Variants in ZGRF1 observed in about 807,000 individuals in gnomAD.
ZGRF1 encodes 5'-3' DNA helicase ZGRF1.
A neutral mutation model predicts 203.5 loss-of-function variants in ZGRF1; 196 were observed. The observed-to-expected ratio is 0.96, with a 90% CI of 0.86 to 1.08. ZGRF1 has a LOEUF of 1.08. Ranked by LOEUF, ZGRF1 falls within the 50% of genes least tolerant of loss-of-function variation. The probability of loss-of-function intolerance (pLI) is 0.00; values close to 1 mark genes in which losing one functional copy is unlikely to be tolerated. For missense variants in ZGRF1, 2,326 were observed against 2,416.3 expected (o/e 0.96, Z 0.78); for synonymous variants, 809 against 841.3 (o/e 0.96, Z 0.66).
intron 8 of ZGRF1, among the ~76,000 whole-genome samples, 174 bp from the exon 9 acceptor site, chr4:112,606,265 G>A (rs1750761913): frequency 6.6e-6 from 1 of 152,106 alleles, no homozygotes; most frequent in African/African-American, 2.4e-5. Flanking sequence ...CTGGCAAAGG[G>A]GTACTTTAGC....
intron 6 of ZGRF1, among the ~76,000 whole-genome samples, chr4:112,613,679 A>C (rs943574373): frequency 1.2e-4 from 19 of 152,238 alleles, no homozygotes; most frequent in African/African-American, 4.6e-4. Flanking sequence ...TAAAAGGCTG[A>C]ATACAAAACA....
At position 112,619,147 on chromosome 4, in the gene ZGRF1, G is replaced by A. The variant is rs768133782; in HGVS notation, c.895C>T (p.Gln299Ter). 3.1e-6 allele frequency: 5 copies of A among 1,613,628 alleles called. No homozygotes were observed. Among genetic ancestry groups the A allele is most frequent in the Admixed American group, 1.7e-5 (1 of 59,990 alleles). Residue 299 changes from glutamine to a stop codon, truncating the protein, a stop_gained, in exon 6 of 28, where the codon CAG (glutamine) becomes TAG (stop). Transcript: ENST00000505019. LOFTEE classifies it high-confidence loss of function. ...IATKPKYLIQ[Q>*]EECAEMKSTE... ...CTCTTCATCTCAGCACACTCTTCCT[G>A]TTGAATTAGGTACTTTGGTTTAGTA...
chr4:112,598,042 T>C (rs1342550117), intron 10 of ZGRF1, among the ~76,000 whole-genome samples: 2 of 152,136 alleles, frequency 1.3e-5, no homozygotes, highest in Admixed American at 6.6e-5. Context: ...CCTTGCTCCC[T>C]TTCTTTGGAG....
intron 16 of ZGRF1, among the ~76,000 whole-genome samples, chr4:112,573,424 A>G (rs1057140992): frequency 2.0e-5 from 3 of 152,118 alleles, no homozygotes; most frequent in Non-Finnish European, 4.4e-5. Flanking sequence ...GGGGCAGTGA[A>G]GGATAAAAAG....
chr4:112,565,258 G>A lies in ZGRF1; in HGVS notation c.4439-1984C>T, dbSNP rs928278600. The A allele has an allele frequency of 2.0e-5, 32 of 1,590,244 alleles. No individual in the cohort carries two copies. The African/African-American group carries it at 3.1e-4, about 15-fold the overall frequency. ...TCTGCACTTCCAGAGCGCAGCTATC[G>A]GTGCTTTGCAGGAGGCAAGTGAGGC... On this transcript the variant is annotated intron_variant, in intron 16 of 27. Transcript: ENST00000505019.
rs754631069 is a variant in ZGRF1 at position 112,584,134 on chromosome 4, C to T, written c.4142G>A (p.Arg1381Gln). 53 of 1,613,030 alleles carry T rather than the reference C, an allele frequency of 3.3e-5. No homozygotes were observed. The highest frequency in any genetic ancestry group is 3.1e-4 in the South Asian group (28 of 91,018). ...CTCAAGCCATTTAAAGAATTTACAT[C>T]GATCAGCTTTGGGTCCATCACATGT... Reference protein sequence around the residue: ...FYTCDGPKADRCKFFKWLEDV... With the variant: ...FYTCDGPKADQCKFFKWLEDV... Residue 1381 changes from arginine (R) to glutamine (Q), a missense_variant, in exon 15 of 28, where the codon CGA becomes CAA. Physicochemically the swap from Arg to Gln is conservative, Grantham distance 43 (BLOSUM62 1). Coordinates refer to ENST00000505019, the MANE Select transcript of ZGRF1 (RefSeq NM_018392.5).
At chr4:112,610,139 A>C (rs1159138139) in intron 7 of ZGRF1, among the ~76,000 whole-genome samples, 1 of 152,184 alleles carries the variant, frequency 6.6e-6, no homozygotes, top group Non-Finnish European at 1.5e-5. Context: ...CTGTCTCAGA[A>C]AAAAATACAT....
In ZGRF1 at chr4:112,619,083, G is replaced by C; in HGVS notation, c.959C>G (p.Thr320Ser). 1.9e-6 allele frequency: 3 copies of C among 1,613,838 alleles called. No individual in the cohort carries two copies. Among genetic ancestry groups the C allele is most frequent in the Middle Eastern group, 3.3e-4 (2 of 6,060 alleles). ...GGCCCACCGGCTTTTATTTCTCATG[G>C]TATTTTCTGATTGATGCTGGTAGTA... ...NLYYQHQSEN[T>S]MRNKSRWAMY... is the part of the protein sequence containing the mutation. The change falls in exon 6 of 28, where the codon ACC becomes AGC. Residue 320 changes from threonine to serine, a missense_variant. Physicochemically the swap from Thr to Ser is moderately conservative, Grantham distance 58. Transcript: ENST00000505019.
rs772061401 is a variant in ZGRF1 at position 112,585,657 on chromosome 4, A to T, written c.3985T>A (p.Ser1329Thr). ...TCTCCCTTCAATGATGTATAAAATG[A>T]TATGTCAACTTTTGAAAGAGCTTTC... Reference protein sequence around the residue: ...LQKALSKVDISFYTSLKGEKL... With the variant: ...LQKALSKVDITFYTSLKGEKL... Residue 1329 changes from serine to threonine, a missense_variant, in exon 14 of 28, where the codon TCA (serine) becomes ACA (threonine). Transcript: ENST00000505019. 1 of 1,609,626 alleles carries T rather than the reference A, an allele frequency of 6.2e-7. No homozygotes were observed. The highest frequency in any genetic ancestry group is 1.1e-5 in the South Asian group (1 of 90,622).
In ZGRF1 at chr4:112,621,089, C is replaced by T. The variant is rs72668099; in HGVS notation, c.163-899G>A. On this transcript the variant is annotated intron_variant, in intron 4 of 27. Transcript: ENST00000505019. ...ACATACTGGGGACCTATATAAGGCC[C>T]CTTGTTACATGCTAGGGATACAAAG... Among the ~76,000 whole-genome samples, 465 of 152,030 alleles carry T rather than the reference C, an allele frequency of 3.1e-3. 3 individuals carry two copies. The highest frequency in any genetic ancestry group is 5.4e-3 in the Non-Finnish European group (364 of 67,976).
At chr4:112,573,533 T>G (rs1744601603) in intron 16 of ZGRF1, among the ~76,000 whole-genome samples, 1 of 152,052 alleles carries the variant, frequency 6.6e-6, no homozygotes, top group Non-Finnish European at 1.5e-5. Flanking sequence ...AAACACCACC[T>G]GTTCCCTCAA....
At position 112,628,355 on chromosome 4, in the gene ZGRF1, T is replaced by C. The variant is rs542899482; in HGVS notation, c.102+3575A>G. On this transcript the variant is annotated intron_variant, in intron 3 of 27. Transcript: ENST00000505019. ...GAGATTACTCCCCCAAAATTATACA[T>C]CTAATAAGAGAAGAGCCAGAATTGA... Among the ~76,000 whole-genome samples, 169 of 152,248 alleles carry C rather than the reference T, an allele frequency of 1.1e-3. 1 individual carries two copies. The highest frequency in any genetic ancestry group is 5.2e-4 in the Admixed American group (8 of 15,282).
At chr4:112,609,106 T>G (rs1048510434) in intron 8 of ZGRF1, among the ~76,000 whole-genome samples, 4 of 151,592 alleles carry the variant, frequency 2.6e-5, no homozygotes, top group Non-Finnish European at 5.9e-5. Flanking sequence ...CAGGCTGGAG[T>G]GCAGTGGCGT....
At position 112,620,242 on chromosome 4, in the gene ZGRF1, G is replaced by A. The variant is rs372523745; in HGVS notation, c.163-52C>T. On this transcript the variant is annotated intron_variant, in intron 4 of 27. Transcript: ENST00000505019. The stretch of plus-strand genomic sequence containing the variant: ...TACATCTAATTATTTGATTATCTAT[G>A]TATTCCAGGATGCTCACTAGCACTA... 3.4e-6 allele frequency: 5 copies of A among 1,464,684 alleles called. No individual in the cohort carries two copies. In the African/African-American group the frequency reaches 7.0e-5, roughly 21 times the overall value. 90.7% of individuals were successfully genotyped at this position (1,464,684 alleles called of 1,614,324 possible).
chr4:112,571,059 G>A (rs1486233688), intron 16 of ZGRF1, among the ~76,000 whole-genome samples: 1 of 149,930 alleles, frequency 6.7e-6, no homozygotes, highest in African/African-American at 2.5e-5. Context: ...AGCCAAGATT[G>A]TGCCACTGCA....
intron 24 of ZGRF1, among the ~76,000 whole-genome samples, chr4:112,545,920 C>T (rs1219315993): frequency 6.6e-6 from 1 of 151,892 alleles, no homozygotes; most frequent in East Asian, 1.9e-4. Flanking sequence ...ATTCACAGAG[C>T]TAGAAAGTAG....
At chr4:112,564,069 C>CA (rs998893766) in intron 16 of ZGRF1, among the ~76,000 whole-genome samples, 2 of 151,668 alleles carry the variant, frequency 1.3e-5, no homozygotes, top group African/African-American at 4.8e-5. Context: ...TAACAAGCTA[C>CA]AAAAAAAAGT....
chr4:112,554,825 CAG>C (rs754814615), intron 20 of ZGRF1, 43 bp from the exon 21 acceptor site: 2 of 1,081,866 alleles, frequency 1.8e-6, no homozygotes, highest in South Asian at 1.5e-5. Flanking sequence ...ATTTAGGAAA[CAG>C]AATATAAAGT....
At chr4:112,553,301 T>C (rs1740303641) in intron 22 of ZGRF1, among the ~76,000 whole-genome samples, 1 of 152,224 alleles carries the variant, frequency 6.6e-6, no homozygotes, top group Non-Finnish European at 1.5e-5. Flanking sequence ...ATAAAGGAGA[T>C]AGTGCTACCT....
Sources: gnomAD v4.1 joint callset for allele counts (sites outside exome capture counted in the v4.1 genomes callset) on GRCh38, gnomAD v4.1.1 for gene constraint, MANE v1.5 for transcripts, NCBI Gene and HGNC (gene_info 2026-07-23, HGNC 2026-07-21) for gene names.